The following ALK variants were observed in gnomAD, a reference collection of about 807,000 sequenced individuals.
ALK encodes ALK receptor tyrosine kinase, also known as ALK tyrosine kinase receptor.
ALK carries 74 observed loss-of-function variants against 163.1 expected under a neutral mutation model. The observed-to-expected ratio is 0.45, with a 90% CI of 0.38 to 0.55. The LOEUF is 0.55. ALK is among the 20% of genes least tolerant of loss of function. The probability of loss-of-function intolerance (pLI) is 0.00; values close to 1 mark genes in which losing one functional copy is unlikely to be tolerated. For missense variants in ALK, 2,063 were observed against 2,105.3 expected (o/e 0.98, Z 0.39); for synonymous variants, 960 against 843.2 (o/e 1.14, Z -2.40).
intron 3 of ALK, among the ~76,000 whole-genome samples, chr2:29,674,699 T>G (rs1463052045): frequency 6.6e-6 from 1 of 150,962 alleles, no homozygotes; most frequent in Non-Finnish European, 1.5e-5. Flanking sequence ...TAAAATGAGT[T>G]AGGGAGGATT....
At chr2:29,854,242 AATG>A (rs1258541193) in intron 1 of ALK, among the ~76,000 whole-genome samples, 2 of 152,086 alleles carry the variant, frequency 1.3e-5, no homozygotes, top group Non-Finnish European at 2.9e-5. Flanking sequence ...TTATTTAGGC[AATG>A]ATATCATTTG....
intron 1 of ALK, among the ~76,000 whole-genome samples, chr2:29,904,125 T>G (rs1467367038): frequency 2.6e-5 from 4 of 152,180 alleles, no homozygotes; most frequent in Non-Finnish European, 5.9e-5. Context: ...GTTTTTAAAT[T>G]TTCCTAGTTA....
At chr2:29,813,695 C>A (rs138438829) in intron 1 of ALK, among the ~76,000 whole-genome samples, 2,092 of 152,228 alleles carry the variant, frequency 0.014, 45 homozygotes, top group African/African-American at 0.048. Context: ...AACCCGGACC[C>A]GATGCTGAAC....
At chr2:29,201,590 C>T (rs1454606743) in intron 26 of ALK, among the ~76,000 whole-genome samples, 1 of 152,018 alleles carries the variant, frequency 6.6e-6, no homozygotes, top group Non-Finnish European at 1.5e-5. Flanking sequence ...AGTTCGAGAC[C>T]AGCCTGGCCA....
chr2:29,603,066 G>T (rs562955314), intron 3 of ALK, among the ~76,000 whole-genome samples: 1 of 152,342 alleles, frequency 6.6e-6, no homozygotes, highest in South Asian at 2.1e-4. Flanking sequence ...TGTCGACAGA[G>T]TTAAGTTATT....
intron 4 of ALK, among the ~76,000 whole-genome samples, chr2:29,526,541 T>C (rs937144988): frequency 1.3e-5 from 2 of 152,230 alleles, no homozygotes; most frequent in African/African-American, 4.8e-5. Flanking sequence ...TAGTGTGTTA[T>C]TCAGACCATG....
At chr2:29,373,820 C>T (rs557970745) in intron 5 of ALK, among the ~76,000 whole-genome samples, 5 of 152,304 alleles carry the variant, frequency 3.3e-5, no homozygotes, top group Non-Finnish European at 5.9e-5. Context: ...TTGAAAAGAC[C>T]TCTCTCCTGC....
Position 29,239,929 on chromosome 2 carries a change from C to T in ALK, c.2205-99G>A, listed in dbSNP as rs544750334. 4.2e-6 allele frequency: 6 copies of T among 1,421,878 alleles called. No individual in the cohort carries two copies. In the South Asian group the frequency reaches 5.4e-5, roughly 13 times the overall value. 88.1% of individuals were successfully genotyped at this position (1,421,878 alleles called of 1,614,324 possible). A position where few individuals can be genotyped will look rare whatever the true frequency, so the allele number is the denominator to read the frequency against. The stretch of plus-strand genomic sequence containing the variant: ...TCCAGTGGGCTAAGCACATCGCCAT[C>T]GTGGTCTGAGGGTTCTCCCCCATAT... On this transcript the variant is annotated intron_variant, in intron 12 of 28. Transcript: ENST00000389048.
In ALK at chr2:29,875,717, A is replaced by G. The variant is rs548648340; in HGVS notation, c.667+44276T>C. Among the ~76,000 whole-genome samples, 5 of 152,268 alleles carry G rather than the reference A, an allele frequency of 3.3e-5. No homozygotes were observed. In the South Asian group the frequency reaches 1.0e-3, roughly 32 times the overall value. ...CTGTTGCTGTGTTAGCTTGCTGAGA[A>G]TGATGGTTCCCAGCTTTATCCATGT... On this transcript the variant is annotated intron_variant, in intron 1 of 28. Transcript: ENST00000389048.
At chr2:29,336,215 G>A (rs1667608752) in intron 5 of ALK, among the ~76,000 whole-genome samples, 2 of 152,128 alleles carry the variant, frequency 1.3e-5, no homozygotes, top group African/African-American at 2.4e-5. Context: ...ATCCTGCCTC[G>A]AAGGTCCCTT....
intron 2 of ALK, among the ~76,000 whole-genome samples, chr2:29,702,675 C>G (rs1308264133): frequency 1.3e-5 from 2 of 152,194 alleles, no homozygotes; most frequent in African/African-American, 2.4e-5. Context: ...ACTTAAAGTT[C>G]CACATGGCTG....
At chr2:29,760,685 CTT>C (rs899267526) in intron 1 of ALK, among the ~76,000 whole-genome samples, 1 of 152,188 alleles carries the variant, frequency 6.6e-6, no homozygotes, top group Non-Finnish European at 1.5e-5. Context: ...GTCTTTGACT[CTT>C]TTGCAAAGGG....
chr2:29,779,424 T>C (rs952653585), intron 1 of ALK, among the ~76,000 whole-genome samples: 5 of 152,300 alleles, frequency 3.3e-5, no homozygotes, highest in Middle Eastern at 3.4e-3. Context: ...TAAAAAGGTG[T>C]GCACTTTCAA....
rs893110094 is a variant in ALK, at chr2:29,246,616, G to A, written c.2204+4489C>T. Among the ~76,000 whole-genome samples, 3 of 152,180 alleles carry A rather than the reference G, an allele frequency of 2.0e-5. No individual in the cohort carries two copies. The highest frequency in any genetic ancestry group is 2.4e-5 in the African/African-American group (1 of 41,526). On this transcript the variant is annotated intron_variant, in intron 12 of 28. Coordinates refer to ENST00000389048, the MANE Select transcript of ALK (RefSeq NM_004304.5). The surrounding 1 kb of genome is among the most constrained non-coding windows in gnomAD (Gnocchi z 4.3). Reference sequence around the variant, plus strand: ...AGAGTGGCTGCGCTCCTTTGTCCTCGCTTCCTCAGTCCATGCCAGAGCGTG... The same window carrying A: ...AGAGTGGCTGCGCTCCTTTGTCCTCACTTCCTCAGTCCATGCCAGAGCGTG...
chr2:29,570,131 T>C (rs2148189546), intron 3 of ALK, among the ~76,000 whole-genome samples: 2 of 152,350 alleles, frequency 1.3e-5, no homozygotes, highest in East Asian at 3.9e-4. Context: ...CTTAGGATTA[T>C]TTATTTCTCA....
At chr2:29,405,005 G>A (rs766362302) in intron 4 of ALK, among the ~76,000 whole-genome samples, 1 of 152,172 alleles carries the variant, frequency 6.6e-6, no homozygotes, top group African/African-American at 2.4e-5. Flanking sequence ...CGGAGACAAT[G>A]ATCAAAATGT....
chr2:29,461,993 C>T (rs767625711), intron 4 of ALK, among the ~76,000 whole-genome samples: 1 of 152,098 alleles, frequency 6.6e-6, no homozygotes, highest in Non-Finnish European at 1.5e-5. Context: ...TTCCATCCCT[C>T]ACGGATGACT....
intron 1 of ALK, among the ~76,000 whole-genome samples, chr2:29,811,973 G>C (rs1664771834): frequency 6.6e-6 from 1 of 152,172 alleles, no homozygotes; most frequent in Non-Finnish European, 1.5e-5. Flanking sequence ...AAAACTGAAG[G>C]GGTGAAACAC....
intron 5 of ALK, among the ~76,000 whole-genome samples, chr2:29,344,746 A>C (rs1667897050): frequency 6.6e-6 from 1 of 152,254 alleles, no homozygotes; most frequent in Admixed American, 6.5e-5. Flanking sequence ...TTGCTCAGAA[A>C]TAGATAACTG....
Sources: allele counts gnomAD v4.1 joint callset (sites outside exome capture counted in the v4.1 genomes callset), GRCh38; gene constraint gnomAD v4.1.1; non-coding constraint Gnocchi (gnomAD v3.1); transcripts MANE v1.5; gene names NCBI Gene and HGNC (gene_info 2026-07-23, HGNC 2026-07-21).